ACBD7: variants seen among roughly 807,000 people sequenced by gnomAD.
The protein encoded by ACBD7 is acyl-CoA binding domain containing 7, also known as acyl-CoA-binding domain-containing protein 7.
ACBD7 carries 11 observed loss-of-function variants against 13.7 expected under a neutral mutation model. The observed-to-expected ratio is 0.80, with a 90% CI of 0.50 to 1.33. The LOEUF (loss-of-function observed/expected upper bound fraction) is 1.33, where lower values mean the gene tolerates loss of function less well. ACBD7 is among the 40% of genes most tolerant of loss of function. The pLI, the probability that ACBD7 is intolerant of heterozygous loss-of-function variation, is 0.00. For missense variants in ACBD7, 111 were observed against 103.0 expected, an observed-to-expected ratio of 1.08 and a Z score of -0.33; for synonymous variants, 43 against 37.7, an observed-to-expected ratio of 1.14 and a Z score of -0.51.
Position 15,078,386 on chromosome 10 carries a change from A to G in ACBD7, c.*144T>C. ...ACAATTGAGTTAACTATGTAGTTTC[A>G]GTATACTTCTAAGTACTACAGCTCA... is the stretch of plus-strand genomic sequence containing the variant. On this transcript the variant is annotated 3_prime_UTR_variant, in exon 4 of 4. Coordinates refer to ENST00000356189, the MANE Select transcript of ACBD7 (RefSeq NM_001039844.3). 1.3e-6 allele frequency: 2 copies of G among 1,516,428 alleles called. No homozygotes were observed. The highest frequency in any genetic ancestry group is 1.8e-6 in the Non-Finnish European group (2 of 1,141,128). 93.9% of individuals were successfully genotyped at this position (1,516,428 alleles called of 1,614,324 possible).
intron 1 of ACBD7, among the ~76,000 whole-genome samples, chr10:15,081,201 GCAAGTGC>G (rs151125198): frequency 0.023 from 3,440 of 152,260 alleles, 145 homozygotes; most frequent in African/African-American, 0.079. Context: ...AGCAGAAAGA[GCAAGTGC>G]CCTCATACGA....
rs1479145459 is a variant in ACBD7, at chr10:15,077,887, C to CAA, written c.*641_*642dup. 1 of 152,098 alleles carries CAA rather than the reference C, an allele frequency of 6.6e-6. No individual in the cohort carries two copies. The highest frequency in any genetic ancestry group is 1.5e-5 in the Non-Finnish European group (1 of 68,074). 9.4% of individuals were successfully genotyped at this position (152,098 alleles called of 1,614,324 possible). A position where few individuals can be genotyped will look rare whatever the true frequency, so the allele number is the denominator to read the frequency against. Reference sequence around the variant, plus strand: ...GACTCCTCAAGAAAAAACAAACAAACAAACAAAAACTGCAACTGTACTCCC... The same window carrying CAA: ...GACTCCTCAAGAAAAAACAAACAAACAAAAACAAAAACTGCAACTGTACTCCC... On this transcript the variant is annotated 3_prime_UTR_variant, in exon 4 of 4. Transcript: ENST00000356189.
At chr10:15,087,385 G>T (rs1262782198) in intron 1 of ACBD7, among the ~76,000 whole-genome samples, 2 of 152,250 alleles carry the variant, frequency 1.3e-5, no homozygotes, top group African/African-American at 4.8e-5. Context: ...AGATGGCCCT[G>T]AAGTATGTAT....
Position 15,077,484 on chromosome 10 carries a change from G to C in ACBD7, c.*1046C>G, listed in dbSNP as rs1447988560. Reference sequence around the variant, plus strand: ...ACTGGAGGCTTGGAAAGGTGGGAGGGGGTGAGGGATGAGCAATTACCTTTT... The same window carrying C: ...ACTGGAGGCTTGGAAAGGTGGGAGGCGGTGAGGGATGAGCAATTACCTTTT... On this transcript the variant is annotated 3_prime_UTR_variant, in exon 4 of 4. Transcript: ENST00000356189. The C allele has an allele frequency of 1.3e-5, 2 of 152,134 alleles. No homozygotes were observed. The highest frequency in any genetic ancestry group is 2.9e-5 in the Non-Finnish European group (2 of 68,062). The allele number at this position is 152,134 out of a possible 1,614,324, so 9.4% of individuals were successfully genotyped here. A position where few individuals can be genotyped will look rare whatever the true frequency, so the allele number is the denominator to read the frequency against.
rs1008503509 is a variant in ACBD7 at position 15,076,882 on chromosome 10, A to G, written c.*1648T>C. 5.7e-5 allele frequency: 56 copies of G among 985,426 alleles called. No homozygotes were observed. Among genetic ancestry groups the G allele is most frequent in the Non-Finnish European group, 6.7e-5 (56 of 829,934 alleles). The allele number at this position is 985,426 out of a possible 1,614,324, so 61.0% of individuals were successfully genotyped here. The stretch of plus-strand genomic sequence containing the variant: ...GTAACAGAACAGATGAGCCAAAAGA[A>G]CAAACAGCTGTTCAAATCTGTACAC... On this transcript the variant is annotated 3_prime_UTR_variant, in exon 4 of 4. Coordinates refer to ENST00000356189, the MANE Select transcript of ACBD7 (RefSeq NM_001039844.3).
chr10:15,078,584 C>G lies in ACBD7; in HGVS notation c.213G>C (p.Ala71=). The G allele has an allele frequency of 6.2e-7, 1 of 1,614,094 alleles. No individual in the cohort carries two copies. Among genetic ancestry groups the G allele is most frequent in the Non-Finnish European group, 8.5e-7 (1 of 1,180,030 alleles). ...TTGCTTTAGAAATATAGGCACTCGTCGCATCTTCCGTCGACAACCCTAGAA... is the reference window on the plus strand; with the variant it reads ...TTGCTTTAGAAATATAGGCACTCGTGGCATCTTCCGTCGACAACCCTAGAA... ...NLKKGLSTED[A]TSAYISKAKE... Residue 71 remains alanine (A), a synonymous_variant, in exon 4 of 4, where the codon GCG becomes GCC. Transcript: ENST00000356189.
In ACBD7 at chr10:15,075,542, C is replaced by G. The variant is rs4750593; in HGVS notation, c.*2988G>C. Among the ~76,000 whole-genome samples, 112,268 of 152,046 alleles carry G rather than the reference C, an allele frequency of 0.74. 42,409 individuals are homozygous for G. The highest frequency in any genetic ancestry group is 0.94 in the East Asian group (4,879 of 5,182). The stretch of plus-strand genomic sequence containing the variant: ...AACTATAGTATAATATCACAATCAG[C>G]ATATTGGTGTTGCTACAATCAAGAC... On this transcript the variant is annotated 3_prime_UTR_variant, in exon 4 of 4. Transcript: ENST00000356189.
intron 1 of ACBD7, among the ~76,000 whole-genome samples, chr10:15,084,082 G>A (rs1254327116): frequency 2.0e-5 from 3 of 152,274 alleles, no homozygotes; most frequent in Non-Finnish European, 4.4e-5. Context: ...CCTGAGATGA[G>A]ATGGGATCGG....
At chr10:15,084,140 G>A (rs1199908279) in intron 1 of ACBD7, among the ~76,000 whole-genome samples, 1 of 152,250 alleles carries the variant, frequency 6.6e-6, no homozygotes, top group Non-Finnish European at 1.5e-5. Flanking sequence ...GCTCCCAGCG[G>A]TGTGGACAGA....
intron 1 of ACBD7, chr10:15,088,388 C>A: frequency 2.1e-6 from 1 of 470,650 alleles, no homozygotes; most frequent in Non-Finnish European, 3.7e-6. Context: ...GAGGTCCCAA[C>A]GAGCGAAGGG....
Position 15,077,457 on chromosome 10 carries a change from A to T in ACBD7, c.*1073T>A, listed in dbSNP as rs985700208. ...AGGGTCATGGAGTGTGGAATAATAG[A>T]CACTGGAGGCTTGGAAAGGTGGGAG... On this transcript the variant is annotated 3_prime_UTR_variant, in exon 4 of 4. Transcript: ENST00000356189. The T allele has an allele frequency of 4.6e-5, 7 of 152,264 alleles. No homozygotes were observed. The highest frequency in any genetic ancestry group is 1.7e-4 in the African/African-American group (7 of 41,542). The allele number at this position is 152,264 out of a possible 1,614,324, so 9.4% of individuals were successfully genotyped here. A position where few individuals can be genotyped will look rare whatever the true frequency, so the allele number is the denominator to read the frequency against.
chr10:15,085,219 C>G (rs1844795927), intron 1 of ACBD7, among the ~76,000 whole-genome samples: 1 of 152,232 alleles, frequency 6.6e-6, no homozygotes, highest in South Asian at 2.1e-4. Flanking sequence ...CAGCCCCTCC[C>G]TGGACTCTCT....
chr10:15,078,619 C>T lies in ACBD7; in HGVS notation c.194-16G>A, dbSNP rs367966049. On this transcript the variant is annotated splice_polypyrimidine_tract_variant and intron_variant, in intron 3 of 3. Transcript: ENST00000356189. ...GTCGACAACCCTAGAAAGATACAAA[C>T]AGGTTATCTCCCTGATTGGTGCACT... 3 of 1,613,960 alleles carry T rather than the reference C, an allele frequency of 1.9e-6. No homozygotes were observed. The African/African-American group carries it at 4.0e-5, about 22-fold the overall frequency.
At chr10:15,084,084 T>C (rs963644024) in intron 1 of ACBD7, among the ~76,000 whole-genome samples, 16 of 152,118 alleles carry the variant, frequency 1.1e-4, no homozygotes, top group African/African-American at 3.9e-4. Flanking sequence ...TGAGATGAGA[T>C]GGGATCGGGT....
At chr10:15,079,981 A>G (rs1005182794) in intron 1 of ACBD7, among the ~76,000 whole-genome samples, 2 of 150,770 alleles carry the variant, frequency 1.3e-5, no homozygotes, top group African/African-American at 2.4e-5. Context: ...ACTTTACTAC[A>G]TGCAGGGGCT....
intron 1 of ACBD7, among the ~76,000 whole-genome samples, chr10:15,082,258 C>A (rs1844758629): frequency 6.8e-6 from 1 of 146,788 alleles, no homozygotes. Context: ...TACACTCCAG[C>A]CTGGGCAACA....
Position 15,078,417 on chromosome 10 carries a change from A to C in ACBD7, c.*113T>G. On this transcript the variant is annotated 3_prime_UTR_variant, in exon 4 of 4. Coordinates refer to ENST00000356189, the MANE Select transcript of ACBD7 (RefSeq NM_001039844.3). The stretch of plus-strand genomic sequence containing the variant: ...CTTCTAAGTACTACAGCTCATGCTA[A>C]TAGCAAAAATATACATGATACATCA... 6.3e-7 allele frequency: 1 copy of C among 1,583,174 alleles called. No homozygotes were observed. Among genetic ancestry groups the C allele is most frequent in the Non-Finnish European group, 8.6e-7 (1 of 1,167,394 alleles).
At chr10:15,086,802 T>A (rs770332378) in intron 1 of ACBD7, among the ~76,000 whole-genome samples, 5 of 151,838 alleles carry the variant, frequency 3.3e-5, no homozygotes, top group Non-Finnish European at 7.4e-5. Flanking sequence ...TCACCTGAGG[T>A]CAGGAGTTTG....
Position 15,078,505 on chromosome 10 carries a change from G to A in ACBD7, c.*25C>T. The A allele has an allele frequency of 6.2e-7, 1 of 1,613,542 alleles. No individual in the cohort carries two copies. The highest frequency in any genetic ancestry group is 8.5e-7 in the Non-Finnish European group (1 of 1,179,932). ...TGATAGCATTTGGAAGTCTTCAAAA[G>A]GAAAAATTCCTCATATGCTGTATTC... On this transcript the variant is annotated 3_prime_UTR_variant, in exon 4 of 4. Coordinates refer to ENST00000356189, the MANE Select transcript of ACBD7 (RefSeq NM_001039844.3).
Sources: allele counts gnomAD v4.1 joint callset (sites outside exome capture counted in the v4.1 genomes callset), GRCh38; gene constraint gnomAD v4.1.1; transcripts MANE v1.5; gene names NCBI Gene and HGNC (gene_info 2026-07-23, HGNC 2026-07-21).